KRT7: variants seen among roughly 807,000 people sequenced by gnomAD.
The protein encoded by KRT7 is keratin, type II cytoskeletal 7.
Under a neutral mutation model 42.8 loss-of-function variants are expected in KRT7, and 50 were observed. The observed-to-expected ratio is 1.17, with a 90% confidence interval of 0.93 to 1.48. The LOEUF is 1.48. Among genes scored for constraint, KRT7 ranks in the 40% most tolerant of loss-of-function variants. The probability of loss-of-function intolerance (pLI) is 0.00; values close to 1 mark genes in which losing one functional copy is unlikely to be tolerated. For missense variants in KRT7, 588 were observed against 637.6 expected (o/e 0.92, Z 0.84); for synonymous variants, 268 against 266.3 (o/e 1.01, Z -0.06).
Position 52,245,594 on chromosome 12 carries a change from C to G in KRT7, c.1167C>G (p.Ile389Met), listed in dbSNP as rs761408226. ...TGAAGCTGGCCCTGGACATCGAGAT[C>G]GCCACCTACCGCAAGCTGCTGGAGG... is the stretch of plus-strand genomic sequence containing the variant. ...MSVKLALDIE[I>M]ATYRKLLEGE... is the part of the protein sequence containing the mutation. Residue 389 changes from isoleucine (I) to methionine (M), a missense_variant, in exon 7 of 9, where the codon ATC becomes ATG. Physicochemically the swap from Ile to Met is conservative, Grantham distance 10 (BLOSUM62 1). Coordinates refer to ENST00000331817, the MANE Select transcript of KRT7 (RefSeq NM_005556.4). The G allele has an allele frequency of 6.2e-7, 1 of 1,613,874 alleles. No homozygotes were observed. Among genetic ancestry groups the G allele is most frequent in the East Asian group, 2.2e-5 (1 of 44,882 alleles).
downstream of KRT7, chr12:52,250,567 CGCTGCCCGTCACCG>C: frequency 8.0e-7 from 1 of 1,254,646 alleles, no homozygotes; most frequent in Admixed American, 2.0e-5. Context: ...GCACTGCAGA[CGCTGCCCGTCACCG>C]GCCGGGAGCC....
At chr12:52,242,815 C>T (rs1047880239) in intron 5 of KRT7, among the ~76,000 whole-genome samples, 197 bp from the exon 6 acceptor site, 11 of 152,096 alleles carry the variant, frequency 7.2e-5, no homozygotes, top group African/African-American at 2.7e-4. Context: ...TGTCTGTCCT[C>T]CCTGCCTGGC....
downstream of KRT7, chr12:52,253,692 T>C: frequency 4.9e-6 from 7 of 1,427,216 alleles, no homozygotes; most frequent in Non-Finnish European, 3.8e-6. Context: ...ACAGTGCATG[T>C]TCAGGTCCCG....
At chr12:52,254,224 T>A (rs190076103), downstream of KRT7, 26 of 694,498 alleles carry the variant, frequency 3.7e-5, no homozygotes, top group Admixed American at 3.7e-4. Context: ...TTCCAATGTC[T>A]AACTCATATC....
intron 5 of KRT7, among the ~76,000 whole-genome samples, chr12:52,242,224 C>T (rs186481592): frequency 3.3e-5 from 5 of 152,246 alleles, no homozygotes; most frequent in East Asian, 1.9e-4. Context: ...CCACCTGCCT[C>T]GGCCTCCCAA....
intron 8 of KRT7, 96 bp from the exon 9 acceptor site, chr12:52,248,495 G>T: frequency 7.8e-7 from 1 of 1,286,724 alleles, no homozygotes; most frequent in Non-Finnish European, 1.1e-6. Flanking sequence ...GTGAGGGAGA[G>T]GGGCAGCTGG....
downstream of KRT7, chr12:52,252,463 C>T (rs565486595): frequency 3.8e-5 from 62 of 1,614,022 alleles, no homozygotes; most frequent in East Asian, 6.7e-5. Context: ...TGGGCCACCG[C>T]GGCCTCCAGC....
downstream of KRT7, chr12:52,250,559 A>C (rs1189335464): frequency 8.1e-7 from 1 of 1,238,882 alleles, no homozygotes; most frequent in Non-Finnish European, 1.1e-6. Context: ...TGCAGGGGGC[A>C]CTGCAGACGC....
At chr12:52,236,000 T>C (rs1385957292) in intron 2 of KRT7, among the ~76,000 whole-genome samples, 2 of 152,074 alleles carry the variant, frequency 1.3e-5, no homozygotes, top group Admixed American at 6.5e-5. Flanking sequence ...ACTGGGGCTT[T>C]TGAGGACAGG....
chr12:52,241,464 C>A lies in KRT7; in HGVS notation c.694-8C>A. The stretch of plus-strand genomic sequence containing the variant: ...CCTAAGTCCTGATGTCCCGTCTGGT[C>A]CCTACAGGAGTTGACAGAGCTGCAG... On this transcript the variant is annotated splice_region_variant and splice_polypyrimidine_tract_variant and intron_variant, in intron 4 of 8. Coordinates refer to ENST00000331817, the MANE Select transcript of KRT7 (RefSeq NM_005556.4). 3 of 1,603,638 alleles carry A rather than the reference C, an allele frequency of 1.9e-6. No individual in the cohort carries two copies. The highest frequency in any genetic ancestry group is 1.7e-6 in the Non-Finnish European group (2 of 1,174,080).
Position 52,248,175 on chromosome 12 carries a change from A to T in KRT7, c.1206-2A>T, listed in dbSNP as rs111327090. ...TCCTCACTGTCTGTCCTCTGCCCCC[A>T]GGTTGGCTGGAGATGGAGTGGGAGC... On this transcript the variant is annotated splice_acceptor_variant, in intron 7 of 8. Coordinates refer to ENST00000331817, the MANE Select transcript of KRT7 (RefSeq NM_005556.4). LOFTEE classifies it high-confidence loss of function. 1 of 1,614,056 alleles carries T rather than the reference A, an allele frequency of 6.2e-7. No homozygotes were observed. The highest frequency in any genetic ancestry group is 8.5e-7 in the Non-Finnish European group (1 of 1,179,980).
intron 6 of KRT7, chr12:52,243,476 T>C (rs1018145633): frequency 4.1e-6 from 1 of 244,196 alleles, no homozygotes; most frequent in African/African-American, 2.3e-5. Context: ...CATCATTCAT[T>C]GCAGGGACAG....
At chr12:52,249,612 C>A (rs532765806), downstream of KRT7, among the ~76,000 whole-genome samples, 1 of 151,988 alleles carries the variant, frequency 6.6e-6, no homozygotes, top group Non-Finnish European at 1.5e-5. Flanking sequence ...TCAGAGTCCC[C>A]GACACACAGG....
downstream of KRT7, chr12:52,250,609 C>T (rs558205029): frequency 3.7e-6 from 4 of 1,083,050 alleles, no homozygotes; most frequent in South Asian, 1.3e-5. Context: ...CACAGGTCCC[C>T]GCATAAGACC....
downstream of KRT7, chr12:52,253,205 T>C (rs777319635): frequency 6.2e-7 from 1 of 1,602,622 alleles, no homozygotes; most frequent in Non-Finnish European, 8.5e-7. Flanking sequence ...TGGGCTGGGC[T>C]CCCATACCTG....
chr12:52,252,813 T>C (rs1313068074), downstream of KRT7, among the ~76,000 whole-genome samples: 3 of 152,200 alleles, frequency 2.0e-5, no homozygotes, highest in Admixed American at 2.0e-4. Context: ...CCAAGTGCCT[T>C]GGGAACAGCT....
At chr12:52,237,724 GTA>G (rs1466015814) in intron 3 of KRT7, 155 bp downstream of exon 3, 53 of 527,586 alleles carry the variant, frequency 1.0e-4, no homozygotes, top group African/African-American at 8.6e-4. Flanking sequence ...GTGGGTGCGT[GTA>G]TGTGTGTGTG....
At chr12:52,253,198 G>A (rs1364510124), downstream of KRT7, 1 of 1,596,118 alleles carries the variant, frequency 6.3e-7, no homozygotes, top group African/African-American at 1.3e-5. Context: ...TGAGGGGTGG[G>A]CTGGGCTCCC....
intron 7 of KRT7, among the ~76,000 whole-genome samples, chr12:52,246,628 G>C (rs1291316262): frequency 6.6e-6 from 1 of 152,154 alleles, no homozygotes; most frequent in Non-Finnish European, 1.5e-5. Context: ...GGAGGAAGGG[G>C]CTTTGCCCCT....
Sources: gnomAD v4.1 joint callset for allele counts (sites outside exome capture counted in the v4.1 genomes callset) on GRCh38, gnomAD v4.1.1 for gene constraint, MANE v1.5 for transcripts, NCBI Gene and HGNC (gene_info 2026-07-23, HGNC 2026-07-21) for gene names.